The following CADM2 variants were observed in gnomAD, a reference collection of about 807,000 sequenced individuals.
CADM2 encodes immunoglobulin superfamily member 4D.
Under a neutral mutation model 49.8 loss-of-function variants are expected in CADM2, and 12 were observed. The observed-to-expected ratio is 0.24, with a 90% CI of 0.15 to 0.39. CADM2 has a LOEUF of 0.39. Among genes scored for constraint, CADM2 ranks in the 10% least tolerant of loss-of-function variants. CADM2 has a pLI of 1.00. For missense variants in CADM2, 378 were observed against 492.3 expected (o/e 0.77, Z 2.20); for synonymous variants, 214 against 175.4 (o/e 1.22, Z -1.74).
At chr3:85,511,670 T>C (rs1321743591) in intron 1 of CADM2, among the ~76,000 whole-genome samples, 1 of 152,074 alleles carries the variant, frequency 6.6e-6, no homozygotes, top group Non-Finnish European at 1.5e-5. Context: ...TTCTTTTGAC[T>C]ATGCATTTTT....
chr3:85,323,665 C>T (rs1224870415), intron 1 of CADM2, among the ~76,000 whole-genome samples: 1 of 151,398 alleles, frequency 6.6e-6, no homozygotes, highest in African/African-American at 2.5e-5. Flanking sequence ...TACTCACCAC[C>T]AGAATATCCA....
chr3:85,400,781 C>G (rs1455346268), intron 1 of CADM2, among the ~76,000 whole-genome samples: 1 of 152,088 alleles, frequency 6.6e-6, no homozygotes, highest in African/African-American at 2.4e-5. Context: ...GGACAAGACG[C>G]AGGCGGAGGG....
intron 1 of CADM2, among the ~76,000 whole-genome samples, chr3:85,549,903 AT>A: frequency 6.6e-6 from 1 of 151,374 alleles, no homozygotes; most frequent in African/African-American, 2.4e-5. Context: ...CAGTGCTGGG[AT>A]TACAGACATG....
intron 8 of CADM2, among the ~76,000 whole-genome samples, chr3:86,027,188 C>T (rs1244393777): frequency 6.6e-6 from 1 of 152,024 alleles, no homozygotes; most frequent in Admixed American, 6.6e-5. Context: ...CTACCTCATC[C>T]CCCAAAATTT....
intron 1 of CADM2, among the ~76,000 whole-genome samples, chr3:85,404,127 A>G (rs1232299049): frequency 6.6e-6 from 1 of 152,150 alleles, no homozygotes; most frequent in East Asian, 1.9e-4. Flanking sequence ...GTTTTAAATT[A>G]TTTTATTTAG....
chr3:85,490,171 G>C (rs897940922), intron 1 of CADM2, among the ~76,000 whole-genome samples: 4 of 151,922 alleles, frequency 2.6e-5, no homozygotes, highest in African/African-American at 9.7e-5. Context: ...GAAATCATAT[G>C]AGTAGGATTA....
At chr3:85,974,400 C>T (rs1726528675) in intron 8 of CADM2, among the ~76,000 whole-genome samples, 1 of 151,630 alleles carries the variant, frequency 6.6e-6, no homozygotes, top group Non-Finnish European at 1.5e-5. Flanking sequence ...TCTTTCTCTA[C>T]ATTAACTTGG....
chr3:85,739,387 A>G (rs1559624503), intron 2 of CADM2, among the ~76,000 whole-genome samples: 1 of 152,136 alleles, frequency 6.6e-6, no homozygotes, highest in Non-Finnish European at 1.5e-5. Flanking sequence ...ACATTTAGAT[A>G]CATTCTATGT....
At chr3:85,864,811 T>C (rs146913370) in intron 3 of CADM2, among the ~76,000 whole-genome samples, 8 of 152,358 alleles carry the variant, frequency 5.3e-5, no homozygotes, top group Middle Eastern at 6.8e-3. Context: ...ATACAAAATA[T>C]TATTTTTTAT....
chr3:85,548,880 A>T (rs2061732393), intron 1 of CADM2, among the ~76,000 whole-genome samples: 2 of 152,208 alleles, frequency 1.3e-5, no homozygotes, highest in East Asian at 3.9e-4. Context: ...TGAATTTATT[A>T]AAAGTAGGTC....
chr3:85,040,659 A>G (rs187786403), intron 1 of CADM2, among the ~76,000 whole-genome samples: 36 of 152,332 alleles, frequency 2.4e-4, no homozygotes, highest in Non-Finnish European at 3.7e-4. Context: ...ATGTTCTGCT[A>G]CTTTGCATTC....
chr3:85,534,729 G>C (rs1235166610), intron 1 of CADM2, among the ~76,000 whole-genome samples: 3 of 152,126 alleles, frequency 2.0e-5, no homozygotes, highest in Non-Finnish European at 4.4e-5. Flanking sequence ...AATAGCTCTT[G>C]ACCTTTGTTT....
chr3:86,062,238 AGAGGTG>A (rs1208413474), intron 8 of CADM2, among the ~76,000 whole-genome samples: 1 of 152,186 alleles, frequency 6.6e-6, no homozygotes, highest in Non-Finnish European at 1.5e-5. Context: ...AACTTGAGCA[AGAGGTG>A]GATTTTTGAA....
intron 3 of CADM2, among the ~76,000 whole-genome samples, chr3:85,817,416 T>C (rs1482137467): frequency 1.4e-5 from 2 of 141,872 alleles, no homozygotes; most frequent in African/African-American, 5.2e-5. Flanking sequence ...TCCACCCTTC[T>C]TTTAATGGTG....
At chr3:85,938,295 G>A (rs1169292917) in intron 7 of CADM2, among the ~76,000 whole-genome samples, 1 of 152,002 alleles carries the variant, frequency 6.6e-6, no homozygotes, top group Non-Finnish European at 1.5e-5. Flanking sequence ...GATTTTCCCA[G>A]AAGGAAATCT....
chr3:85,726,359 T>G lies in CADM2; in HGVS notation c.62-163T>G, dbSNP rs150713404. 4.7e-3 allele frequency: 3,500 copies of G among 737,004 alleles called. 13 individuals are homozygous for G. The highest frequency in any genetic ancestry group is 9.4e-3 in the Admixed American group (438 of 46,704). The allele number at this position is 737,004 out of a possible 1,614,324, so 45.7% of individuals were successfully genotyped here. Reference sequence around the variant, plus strand: ...CAAGGATCTTACTCATAACACTAACTAAATGTAACAATAGTCATTTTGTTT... The same window carrying G: ...CAAGGATCTTACTCATAACACTAACGAAATGTAACAATAGTCATTTTGTTT... On this transcript the variant is annotated intron_variant, in intron 1 of 9. Coordinates refer to ENST00000383699, the MANE Select transcript of CADM2 (RefSeq NM_001167675.2).
chr3:85,018,263 GA>G (rs1276751222), intron 1 of CADM2, among the ~76,000 whole-genome samples: 1 of 152,126 alleles, frequency 6.6e-6, no homozygotes. Flanking sequence ...CAAATTAAAT[GA>G]AAACAAAACC....
At chr3:85,325,131 A>T (rs1483797894) in intron 1 of CADM2, among the ~76,000 whole-genome samples, 1 of 152,236 alleles carries the variant, frequency 6.6e-6, no homozygotes, top group African/African-American at 2.4e-5. Context: ...ACACAAATGA[A>T]GTTTTGAATC....
chr3:85,968,046 A>G (rs2108633141), intron 8 of CADM2, among the ~76,000 whole-genome samples: 1 of 151,660 alleles, frequency 6.6e-6, no homozygotes, highest in Non-Finnish European at 1.5e-5. Context: ...GGAAAAAAGG[A>G]TGGAAAAGGC....
Sources: allele counts gnomAD v4.1 joint callset (sites outside exome capture counted in the v4.1 genomes callset), GRCh38; gene constraint gnomAD v4.1.1; transcripts MANE v1.5; gene names NCBI Gene and HGNC (gene_info 2026-07-23, HGNC 2026-07-21).